The following TRPA1 variants were observed in gnomAD, a reference collection of about 807,000 sequenced individuals.
TRPA1 encodes the protein transient receptor potential cation channel subfamily A member 1, also known as ankyrin-like with transmembrane domains 1.
TRPA1 carries 129 observed loss-of-function variants against 131.3 expected under a neutral mutation model. That is an observed-to-expected ratio of 0.98 (90% CI 0.85 to 1.14). The LOEUF (loss-of-function observed/expected upper bound fraction) is 1.14, where lower values mean the gene tolerates loss of function less well. Among genes scored for constraint, TRPA1 ranks in the 50% most tolerant of loss-of-function variants. TRPA1 has a pLI of 0.00. For missense variants in TRPA1, 1,304 were observed against 1,354.2 expected (o/e 0.96, Z 0.58); for synonymous variants, 441 against 451.7 (o/e 0.98, Z 0.30).
At chr8:72,081,588 A>T in the TRPA1 span, among the ~76,000 whole-genome samples, 2 of 151,850 alleles carry the variant, frequency 1.3e-5, no homozygotes, top group Admixed American at 6.6e-5. Flanking sequence ...AGTTACTGAG[A>T]ATATTAAAAT....
intron 2 of TRPA1, 152 bp downstream of exon 2, chr8:72,071,559 C>T (rs1046840355): frequency 3.8e-6 from 3 of 785,162 alleles, no homozygotes; most frequent in African/African-American, 1.7e-5. Flanking sequence ...TTGAGGAGTG[C>T]TGGTGTGTAG....
At chr8:72,026,139 G>T in intron 24 of TRPA1, 66 bp from the exon 25 acceptor site, 1 of 1,221,322 alleles carries the variant, frequency 8.2e-7, no homozygotes, top group Non-Finnish European at 1.2e-6. Flanking sequence ...ATATGGCACA[G>T]AGGCAATCAT....
chr8:72,080,276 T>C (rs1007111476), upstream of TRPA1, among the ~76,000 whole-genome samples: 2 of 151,846 alleles, frequency 1.3e-5, no homozygotes, highest in Non-Finnish European at 3.0e-5. Context: ...TAAAGTAGGA[T>C]TTTCATAGAT....
At chr8:72,088,528 ATAACTT>A in the TRPA1 span, among the ~76,000 whole-genome samples, 1 of 152,156 alleles carries the variant, frequency 6.6e-6, no homozygotes, top group Non-Finnish European at 1.5e-5. Flanking sequence ...AAAGGAGAAA[ATAACTT>A]TATAGCCTGT....
chr8:72,047,327 T>A, intron 15 of TRPA1, 120 bp from the exon 16 acceptor site: 3 of 763,302 alleles, frequency 3.9e-6, no homozygotes, highest in Non-Finnish European at 6.9e-6. Context: ...GTTTCTTGCA[T>A]CTCAAGAATA....
At position 72,065,560 on chromosome 8, in the gene TRPA1, T is replaced by TA. The variant is rs775073773; in HGVS notation, c.445-3dup. ...AATAGTTCTATGCTCAAGCAAGACCTAAAAAAAGGGGAGAATAATTGTCAA... is the reference window on the plus strand; with the variant it reads ...AATAGTTCTATGCTCAAGCAAGACCTAAAAAAAAGGGGAGAATAATTGTCAA... On this transcript the variant is annotated splice_polypyrimidine_tract_variant and splice_region_variant and intron_variant, in intron 3 of 26. Transcript: ENST00000262209. 17 of 1,610,928 alleles carry TA rather than the reference T, an allele frequency of 1.1e-5. No individual in the cohort carries two copies. Among genetic ancestry groups the TA allele is most frequent in the Non-Finnish European group, 1.3e-5 (15 of 1,177,712 alleles).
intron 23 of TRPA1, among the ~76,000 whole-genome samples, chr8:72,031,778 TATC>T (rs1811834041): frequency 1.3e-5 from 2 of 152,208 alleles, no homozygotes; most frequent in African/African-American, 4.8e-5. Flanking sequence ...ATCAAATGCT[TATC>T]ATGTGCCAAG....
At position 72,065,340 on chromosome 8, in the gene TRPA1, A is replaced by G. The variant is rs1408429456; in HGVS notation, c.552+111T>C. ...ACTTTTTTCCTGACCTAGTTTTTGT[A>G]TTTTATATTTTTCTAAGGAGAAAAA... On this transcript the variant is annotated intron_variant, in intron 4 of 26. Coordinates refer to ENST00000262209, the MANE Select transcript of TRPA1 (RefSeq NM_007332.3). 5.8e-6 allele frequency: 6 copies of G among 1,031,122 alleles called. No homozygotes were observed. The Admixed American group carries it at 9.9e-5, about 17-fold the overall frequency. The allele number at this position is 1,031,122 out of a possible 1,614,324, so 63.9% of individuals were successfully genotyped here.
In TRPA1 at chr8:72,075,505, C is replaced by T. The variant is rs566600156; in HGVS notation, c.-96G>A. The T allele has an allele frequency of 3.2e-5, 32 of 1,009,600 alleles. No homozygotes were observed. The highest frequency in any genetic ancestry group is 1.1e-5 in the Non-Finnish European group (7 of 647,882). 62.5% of individuals were successfully genotyped at this position (1,009,600 alleles called of 1,614,324 possible). A position where few individuals can be genotyped will look rare whatever the true frequency, so the allele number is the denominator to read the frequency against. ...TGTCAGCCTGCCAGGCGCTGGGGTC[C>T]GCGCGAGCCCGAGCTCTCCCGCGCT... On this transcript the variant is annotated 5_prime_UTR_variant, in exon 1 of 27. Transcript: ENST00000262209.
intron 24 of TRPA1, among the ~76,000 whole-genome samples, chr8:72,026,775 T>C (rs1178460178): frequency 1.3e-5 from 2 of 152,188 alleles, no homozygotes; most frequent in African/African-American, 4.8e-5. Flanking sequence ...GTATCTGATG[T>C]ATAGGTATGT....
At chr8:72,059,134 C>A (rs1439482014) in intron 8 of TRPA1, among the ~76,000 whole-genome samples, 1 of 152,180 alleles carries the variant, frequency 6.6e-6, no homozygotes, top group East Asian at 1.9e-4. Flanking sequence ...AATGTACCTG[C>A]CAACTTCCTG....
rs553492799 is a variant in TRPA1 at position 72,029,268 on chromosome 8, C to T, written c.2937+633G>A. Among the ~76,000 whole-genome samples, 181 of 152,266 alleles carry T rather than the reference C, an allele frequency of 1.2e-3. 1 individual carries two copies. Among genetic ancestry groups the T allele is most frequent in the African/African-American group, 4.0e-3 (165 of 41,558 alleles). ...AAATATAAGGAGCTCCTTTGAACAG[C>T]GGGGCTAGGATGCCAGTGATGCTCT... On this transcript the variant is annotated intron_variant, in intron 24 of 26. Coordinates refer to ENST00000262209, the MANE Select transcript of TRPA1 (RefSeq NM_007332.3).
intron 7 of TRPA1, among the ~76,000 whole-genome samples, chr8:72,059,680 A>C (rs2129435921): frequency 6.6e-6 from 1 of 152,306 alleles, no homozygotes; most frequent in South Asian, 2.1e-4. Context: ...CCTTTAAGAA[A>C]CCTATTTTAT....
At chr8:72,044,118 TG>T (rs889457794) in intron 17 of TRPA1, among the ~76,000 whole-genome samples, 6 of 151,312 alleles carry the variant, frequency 4.0e-5, no homozygotes, top group African/African-American at 1.5e-4. Flanking sequence ...TACAATAGTC[TG>T]GGGGGAATAA....
At chr8:72,068,562 A>G (rs1805983334) in intron 3 of TRPA1, among the ~76,000 whole-genome samples, 2 of 152,226 alleles carry the variant, frequency 1.3e-5, no homozygotes, top group South Asian at 4.1e-4. Flanking sequence ...GTCTCTCATT[A>G]CCTTCCTCCT....
intron 17 of TRPA1, among the ~76,000 whole-genome samples, chr8:72,045,068 T>C (rs1812382370): frequency 6.6e-6 from 1 of 152,006 alleles, no homozygotes; most frequent in African/African-American, 2.4e-5. Context: ...CAACAAATTT[T>C]CTAAGTATAA....
intron 24 of TRPA1, among the ~76,000 whole-genome samples, chr8:72,027,124 T>A (rs1811637495): frequency 6.6e-6 from 1 of 152,208 alleles, no homozygotes; most frequent in Admixed American, 6.5e-5. Context: ...CTCTTTAGGG[T>A]GATATCACTT....
chr8:72,075,286 G>C lies in TRPA1; in HGVS notation c.111+13C>G, dbSNP rs754263668. On this transcript the variant is annotated intron_variant, in intron 1 of 26. Transcript: ENST00000262209. ...CGTCGGAACCCCTCCAGACCCGCGA[G>C]CCCCCAGAGTACCTTAAGCGATTCC... is the stretch of plus-strand genomic sequence containing the variant. 6.2e-7 allele frequency: 1 copy of C among 1,604,916 alleles called. No homozygotes were observed. Among genetic ancestry groups the C allele is most frequent in the Non-Finnish European group, 8.5e-7 (1 of 1,172,422 alleles).
intron 20 of TRPA1, 58 bp downstream of exon 20, chr8:72,037,925 C>A (rs1812110776): frequency 2.0e-6 from 2 of 1,019,730 alleles, no homozygotes; most frequent in Non-Finnish European, 3.1e-6. Flanking sequence ...TATCAATTAA[C>A]TTATGTTCTG....
Sources: gnomAD v4.1 joint callset for allele counts (sites outside exome capture counted in the v4.1 genomes callset) on GRCh38, gnomAD v4.1.1 for gene constraint, MANE v1.5 for transcripts, NCBI Gene and HGNC (gene_info 2026-07-23, HGNC 2026-07-21) for gene names.